Variants in USO1 observed in about 807,000 individuals in gnomAD.
USO1 encodes USO1 vesicle transport factor, also known as general vesicular transport factor p115.
USO1 carries 57 observed loss-of-function variants against 124.5 expected under a neutral mutation model. The ratio of observed to expected loss-of-function variants is 0.46; its 90% confidence interval spans 0.37 to 0.57. The LOEUF is 0.57. USO1 is among the 20% of genes least tolerant of loss of function. USO1 has a pLI of 0.00. For synonymous variants in USO1, 369 were observed against 362.8 expected, an observed-to-expected ratio of 1.02 and a Z score of -0.19; for missense variants, 900 against 1,040.6, an observed-to-expected ratio of 0.86 and a Z score of 1.86.
chr4:75,765,320 C>G (rs1721736956), intron 4 of USO1, among the ~76,000 whole-genome samples: 1 of 152,028 alleles, frequency 6.6e-6, no homozygotes, highest in South Asian at 2.1e-4. Context: ...GCTTTTTTAT[C>G]TATACAGTTT....
At chr4:75,744,338 G>A (rs1258356196) in intron 1 of USO1, among the ~76,000 whole-genome samples, 1 of 152,136 alleles carries the variant, frequency 6.6e-6, no homozygotes, top group East Asian at 1.9e-4. Context: ...AAACCCCAGA[G>A]TATATACTGA....
chr4:75,799,698 C>T lies in USO1; in HGVS notation c.1529C>T (p.Thr510Met), dbSNP rs376643400. The T allele has an allele frequency of 1.0e-4, 167 of 1,613,612 alleles. 1 individual carries two copies. The highest frequency in any genetic ancestry group is 1.2e-4 in the Non-Finnish European group (147 of 1,179,802). Residue 510 changes from threonine to methionine, a missense_variant, in exon 14 of 24, where the codon ACG becomes ATG. By Grantham distance (81) the Thr-to-Met change is moderately conservative. Transcript: ENST00000514213. ...TWLSNCPIAV[T>M]HFLHNSANVP... ...CTAAGCAATTGTCCCATTGCAGTAA[C>T]GCATTTTCTTCACAATTCAGCCAAT...
chr4:75,728,881 C>G (rs1438016569), intron 1 of USO1, among the ~76,000 whole-genome samples: 1 of 151,982 alleles, frequency 6.6e-6, no homozygotes, highest in African/African-American at 2.4e-5. Flanking sequence ...TCACTGCAAG[C>G]TCCCCCTCCC....
At chr4:75,772,950 T>C (rs1028910865) in intron 7 of USO1, among the ~76,000 whole-genome samples, 2 of 151,932 alleles carry the variant, frequency 1.3e-5, no homozygotes, top group Non-Finnish European at 2.9e-5. Context: ...TACAAAAAAT[T>C]AACTGGGTGT....
chr4:75,785,333 T>C (rs1342293074), intron 9 of USO1, among the ~76,000 whole-genome samples: 1 of 152,088 alleles, frequency 6.6e-6, no homozygotes, highest in Non-Finnish European at 1.5e-5. Flanking sequence ...TTTTGAAAAG[T>C]TTTTTAGTTA....
At chr4:75,735,677 C>T (rs1377980915) in intron 1 of USO1, among the ~76,000 whole-genome samples, 4 of 152,052 alleles carry the variant, frequency 2.6e-5, no homozygotes, top group Middle Eastern at 3.2e-3. Context: ...CAAGGCACCA[C>T]GCTTGGCTGA....
At chr4:75,765,890 A>T (rs889210343) in intron 4 of USO1, among the ~76,000 whole-genome samples, 1 of 152,140 alleles carries the variant, frequency 6.6e-6, no homozygotes, top group Non-Finnish European at 1.5e-5. Flanking sequence ...ATCCTCTGCC[A>T]CCTTCACTTA....
chr4:75,725,988 A>T (rs1720431448), intron 1 of USO1, among the ~76,000 whole-genome samples: 1 of 152,170 alleles, frequency 6.6e-6, no homozygotes. Flanking sequence ...TGAGACTGAG[A>T]GGGGTGAAGT....
chr4:75,751,557 G>A (rs916399344), intron 1 of USO1, among the ~76,000 whole-genome samples: 163 of 148,510 alleles, frequency 1.1e-3, no homozygotes, highest in African/African-American at 3.7e-3. Context: ...TTGGCCGGGC[G>A]CAGTGGCTCA....
intron 1 of USO1, 40 bp downstream of exon 1, chr4:75,724,925 G>A: frequency 1.2e-6 from 2 of 1,608,684 alleles, no homozygotes; most frequent in Non-Finnish European, 1.7e-6. Context: ...GAAGGGGTCC[G>A]GGCAGGGACG....
At chr4:75,725,812 C>G (rs933581776) in intron 1 of USO1, among the ~76,000 whole-genome samples, 2 of 152,094 alleles carry the variant, frequency 1.3e-5, no homozygotes, top group South Asian at 4.1e-4. Context: ...ACTTTAATGG[C>G]TAACTTTGTT....
chr4:75,735,141 C>G (rs551439821), intron 1 of USO1, among the ~76,000 whole-genome samples: 2 of 152,180 alleles, frequency 1.3e-5, no homozygotes, highest in African/African-American at 4.8e-5. Flanking sequence ...GTAGAGACCT[C>G]CTTGGTTAGA....
chr4:75,795,474 C>T, intron 13 of USO1: 1 of 658,642 alleles, frequency 1.5e-6, no homozygotes, highest in South Asian at 1.7e-5. Context: ...ATTCTACTCA[C>T]ACTTTTGCGT....
intron 7 of USO1, 129 bp downstream of exon 7, chr4:75,771,266 T>C (rs1721920629): frequency 8.0e-6 from 9 of 1,126,458 alleles, no homozygotes; most frequent in Non-Finnish European, 1.1e-5. Flanking sequence ...TTTAAAAAAA[T>C]TAAAAATTAG....
At chr4:75,731,290 G>A (rs1174830461) in intron 1 of USO1, among the ~76,000 whole-genome samples, 1 of 152,172 alleles carries the variant, frequency 6.6e-6, no homozygotes, top group African/African-American at 2.4e-5. Context: ...GGCCAGGCCT[G>A]GTGGCTCACG....
At chr4:75,810,956 C>T (rs980297959) in intron 22 of USO1, among the ~76,000 whole-genome samples, 1 of 152,092 alleles carries the variant, frequency 6.6e-6, no homozygotes, top group East Asian at 1.9e-4. Context: ...GTCTCCATCT[C>T]TTGACCTCGT....
At chr4:75,785,910 C>G (rs1219695971) in intron 9 of USO1, among the ~76,000 whole-genome samples, 1 of 151,986 alleles carries the variant, frequency 6.6e-6, no homozygotes, top group Admixed American at 6.5e-5. Context: ...GAAAAAACAC[C>G]AGAAATCTCA....
intron 8 of USO1, among the ~76,000 whole-genome samples, chr4:75,779,406 G>A (rs1400380269): frequency 6.6e-6 from 1 of 152,206 alleles, no homozygotes; most frequent in Non-Finnish European, 1.5e-5. Context: ...GAGGCCAAAA[G>A]CTAGGCCCAA....
chr4:75,743,598 T>C (rs920055192), intron 1 of USO1, among the ~76,000 whole-genome samples: 1 of 152,180 alleles, frequency 6.6e-6, no homozygotes, highest in African/African-American at 2.4e-5. Context: ...TCTCTGCTAT[T>C]TTCCCAGCGT....
Sources: allele counts gnomAD v4.1 joint callset (sites outside exome capture counted in the v4.1 genomes callset), GRCh38; gene constraint gnomAD v4.1.1; transcripts MANE v1.5; gene names NCBI Gene and HGNC (gene_info 2026-07-23, HGNC 2026-07-21).